Variants in ATM observed in about 807,000 individuals in gnomAD.
ATM encodes ATM serine/threonine kinase, also known as serine-protein kinase ATM.
In ATM, 308 loss-of-function variants were observed where a neutral mutation model predicts 387.0. The ratio of observed to expected loss-of-function variants is 0.80; its 90% confidence interval spans 0.73 to 0.87. The LOEUF is 0.87. ATM is among the 40% of genes least tolerant of loss of function. The pLI, the probability that ATM is intolerant of heterozygous loss-of-function variation, is 0.00. For synonymous variants in ATM, 1,156 were observed against 1,187.3 expected (o/e 0.97, Z 0.54); for missense variants, 3,312 against 3,560.9 (o/e 0.93, Z 1.78).
intron 17 of ATM, among the ~76,000 whole-genome samples, chr11:108,267,719 T>C (rs2081339638): frequency 6.6e-6 from 1 of 152,016 alleles, no homozygotes; most frequent in East Asian, 1.9e-4. Flanking sequence ...TAGATGGGCG[T>C]GGTGGCGGGC....
At chr11:108,236,064 A>C in intron 5 of ATM, 1 of 531,892 alleles carries the variant, frequency 1.9e-6, no homozygotes, top group Non-Finnish European at 3.4e-6. Context: ...CCGGAATTAC[A>C]GTTGAAAAAT....
chr11:108,299,539 C>T (rs55811806), intron 33 of ATM, 175 bp from the exon 34 acceptor site: 9 of 562,794 alleles, frequency 1.6e-5, no homozygotes, highest in African/African-American at 5.7e-5. Flanking sequence ...TCAGGTGATC[C>T]GCCCGCCTCT....
chr11:108,309,123 A>G (rs2083925672), intron 38 of ATM: 1 of 1,018,896 alleles, frequency 9.8e-7, no homozygotes, highest in Non-Finnish European at 1.5e-6. Flanking sequence ...CATGCATTCA[A>G]GTCCAAGCTT....
rs4988040 is a variant in ATM, at chr11:108,303,323, T to A, written c.5496+294T>A. 0.013 allele frequency among the ~76,000 whole-genome samples: 1,959 copies of A among 152,296 alleles called. 51 individuals are homozygous for A. Among genetic ancestry groups the A allele is most frequent in the African/African-American group, 0.044 (1,823 of 41,576 alleles). Reference sequence around the variant, plus strand: ...AACCAAGAGCCTGTTCTAACTTTGTTTACGTCTTCTGATAAGAGCACCTTT... The same window carrying A: ...AACCAAGAGCCTGTTCTAACTTTGTATACGTCTTCTGATAAGAGCACCTTT... On this transcript the variant is annotated intron_variant, in intron 36 of 62. Coordinates refer to ENST00000675843, the MANE Select transcript of ATM (RefSeq NM_000051.4).
chr11:108,249,939 T>C lies in ATM; in HGVS notation c.1236-762T>C, dbSNP rs374787343. ...CACCTGTTATGGGCTAAGCGTTAGA[T>C]ATACAGAGATGAATAACATAAGACT... On this transcript the variant is annotated intron_variant, in intron 9 of 62. Coordinates refer to ENST00000675843, the MANE Select transcript of ATM (RefSeq NM_000051.4). Among the ~76,000 whole-genome samples the C allele has an allele frequency of 3.9e-5, 6 of 152,260 alleles. No homozygotes were observed. In the East Asian group the frequency reaches 1.2e-3, roughly 29 times the overall value.
chr11:108,224,675 C>T (rs2078652732), intron 1 of ATM: 3 of 152,142 alleles, frequency 2.0e-5, no homozygotes, highest in Admixed American at 2.0e-4. Flanking sequence ...CCAGTTAGTT[C>T]AGATCTTGGC....
At chr11:108,353,901 G>A (rs1353713110) in intron 60 of ATM, 21 bp downstream of exon 60, 2 of 1,595,032 alleles carry the variant, frequency 1.3e-6, no homozygotes, top group East Asian at 4.5e-5. Flanking sequence ...TGAAGTAAAG[G>A]AGGGAAATAA....
At chr11:108,267,823 A>C (rs1226474900) in intron 17 of ATM, among the ~76,000 whole-genome samples, 2 of 152,258 alleles carry the variant, frequency 1.3e-5, no homozygotes, top group African/African-American at 4.8e-5. Flanking sequence ...ATGCCACTGC[A>C]TTCCAGCCTG....
intron 4 of ATM, among the ~76,000 whole-genome samples, chr11:108,233,287 G>A (rs995877350): frequency 1.3e-4 from 20 of 152,272 alleles, no homozygotes; most frequent in African/African-American, 4.6e-4. Context: ...CTGTAAGTAG[G>A]CTGGGCACAG....
chr11:108,299,954 A>G (rs2135894866), intron 34 of ATM, 69 bp downstream of exon 34: 2 of 1,421,088 alleles, frequency 1.4e-6, no homozygotes, highest in Non-Finnish European at 2.0e-6. Context: ...CTTCACACAA[A>G]TAGATATTCT....
chr11:108,296,794 G>A (rs1195213007), intron 32 of ATM, among the ~76,000 whole-genome samples: 1 of 152,200 alleles, frequency 6.6e-6, no homozygotes, highest in Non-Finnish European at 1.5e-5. Flanking sequence ...GAAATTTGAA[G>A]TTCAGTTTTT....
rs946758946 is a variant in ATM, at chr11:108,368,341, T to G, written c.*2833T>G. ...AGCTGGAACTCTTTCTGCAAATGACTAAGATAGAAAACTGCCAAGGACAAA... is the reference window on the plus strand; with the variant it reads ...AGCTGGAACTCTTTCTGCAAATGACGAAGATAGAAAACTGCCAAGGACAAA... On this transcript the variant is annotated 3_prime_UTR_variant, in exon 63 of 63. Transcript: ENST00000675843. 1 of 205,536 alleles carries G rather than the reference T, an allele frequency of 4.9e-6. No individual in the cohort carries two copies. The highest frequency in any genetic ancestry group is 9.9e-6 in the Non-Finnish European group (1 of 101,020). 12.7% of individuals were successfully genotyped at this position (205,536 alleles called of 1,614,324 possible). A position where few individuals can be genotyped will look rare whatever the true frequency, so the allele number is the denominator to read the frequency against.
intron 16 of ATM, among the ~76,000 whole-genome samples, chr11:108,259,723 A>C (rs1398383246): frequency 1.3e-5 from 2 of 152,182 alleles, no homozygotes; most frequent in Non-Finnish European, 2.9e-5. Context: ...GTGACCAAAA[A>C]TCTTGCCAGG....
intron 16 of ATM, among the ~76,000 whole-genome samples, chr11:108,262,652 A>G (rs2080971123): frequency 6.6e-6 from 1 of 152,082 alleles, no homozygotes; most frequent in Non-Finnish European, 1.5e-5. Context: ...TTAAATGTAA[A>G]TGGACTAAAT....
At chr11:108,325,689 C>T in intron 46 of ATM, 145 bp downstream of exon 46, 1 of 798,780 alleles carries the variant, frequency 1.3e-6, no homozygotes, top group African/African-American at 1.7e-5. Context: ...TTAAGAGTTC[C>T]CATTTTGGAA....
At chr11:108,331,736 CT>C in intron 51 of ATM, 142 bp from the exon 52 acceptor site, 1 of 1,287,122 alleles carries the variant, frequency 7.8e-7, no homozygotes, top group Non-Finnish European at 1.1e-6. Context: ...AGGCCTCTGC[CT>C]TTTTCTCACA....
chr11:108,309,210 C>CA, intron 38 of ATM: 1 of 530,284 alleles, frequency 1.9e-6, no homozygotes, highest in Admixed American at 3.1e-5. Flanking sequence ...ACAACAACAA[C>CA]AAAAAAATTG....
chr11:108,364,497 G>A (rs904746272), intron 61 of ATM, among the ~76,000 whole-genome samples: 3 of 152,214 alleles, frequency 2.0e-5, no homozygotes, highest in Admixed American at 6.5e-5. Flanking sequence ...GATTCCAAAC[G>A]CAGCACCAAA....
In ATM at chr11:108,327,668, A is replaced by G. The variant is rs759267807; in HGVS notation, c.6999A>G (p.Thr2333=). 8.7e-6 allele frequency: 14 copies of G among 1,613,962 alleles called. No homozygotes were observed. Among genetic ancestry groups the G allele is most frequent in the Non-Finnish European group, 1.2e-5 (14 of 1,179,914 alleles). ...CAANNPSLKL[T]YTECLRVCGN... ...AGAACAATCCCAGCCTAAAACTTAC[A>G]TACACAGAATGTCTGAGGGTTTGTG... Residue 2333 remains threonine, a synonymous_variant, in exon 48 of 63, where the codon ACA becomes ACG. Transcript: ENST00000675843.
Sources: allele counts gnomAD v4.1 joint callset (sites outside exome capture counted in the v4.1 genomes callset), GRCh38; gene constraint gnomAD v4.1.1; transcripts MANE v1.5; gene names NCBI Gene and HGNC (gene_info 2026-07-23, HGNC 2026-07-21).